Variants in HDAC8 observed in about 807,000 individuals in gnomAD.
HDAC8 encodes the protein histone deacetylase-like 1.
In HDAC8, 1 loss-of-function variant was observed where a neutral mutation model predicts 32.2. The ratio of observed to expected loss-of-function variants is 0.03; its 90% confidence interval spans 0.01 to 0.15. The LOEUF is 0.15. Among genes scored for constraint, HDAC8 ranks in the 10% least tolerant of loss-of-function variants. The pLI, the probability that HDAC8 is intolerant of heterozygous loss-of-function variation, is 1.00. For synonymous variants in HDAC8, 108 were observed against 113.9 expected (o/e 0.95, Z 0.33); for missense variants, 117 against 300.0 (o/e 0.39, Z 4.51).
chrX:72,537,281 A>G (rs782422848), intron 4 of HDAC8, among the ~76,000 whole-genome samples: 12 of 112,133 alleles, frequency 1.1e-4, no homozygotes, highest in African/African-American at 2.9e-4. Context: ...CCTGTATCCA[A>G]TGTTGAGCCT....
At chrX:72,451,202 T>C (rs1195058908) in intron 9 of HDAC8, among the ~76,000 whole-genome samples, 1 of 110,751 alleles carries the variant, frequency 9.0e-6, no homozygotes, top group Non-Finnish European at 1.9e-5. Flanking sequence ...TCTGTTTTTT[T>C]TTTTTTCCTT....
At chrX:72,472,288 C>T (rs565477967) in intron 7 of HDAC8, among the ~76,000 whole-genome samples, 3 of 109,908 alleles carry the variant, frequency 2.7e-5, no homozygotes, top group Middle Eastern at 4.7e-3. Flanking sequence ...GGGATGGTCT[C>T]GATCTCCTGA....
intron 4 of HDAC8, among the ~76,000 whole-genome samples, chrX:72,504,665 A>G (rs1194960219): frequency 8.9e-6 from 1 of 112,145 alleles, no homozygotes; most frequent in Non-Finnish European, 1.9e-5. Context: ...ACATTTGTGC[A>G]TAAGTATTCG....
rs781857536 is a variant in HDAC8, at chrX:72,441,912, A to G, written c.1005+20092T>C. Among the ~76,000 whole-genome samples, 154 of 112,126 alleles carry G rather than the reference A, an allele frequency of 1.4e-3. No homozygotes were observed. The East Asian group carries it at 0.024, about 18-fold the overall frequency. On this transcript the variant is annotated intron_variant, in intron 9 of 10. Transcript: ENST00000373573. ...TGCAGAAGCCTCAGGAGCCGATGCGATCAACTGGAAGAAAGGGTATCAGTG... is the reference window on the plus strand; with the variant it reads ...TGCAGAAGCCTCAGGAGCCGATGCGGTCAACTGGAAGAAAGGGTATCAGTG...
chrX:72,520,700 T>C (rs1270017645), intron 4 of HDAC8, among the ~76,000 whole-genome samples: 1 of 112,546 alleles, frequency 8.9e-6, no homozygotes, highest in Non-Finnish European at 1.9e-5. Flanking sequence ...ATTCCAAAAA[T>C]GTCTTTAATA....
At chrX:72,522,568 CAG>C (rs1189558063) in intron 4 of HDAC8, among the ~76,000 whole-genome samples, 1 of 112,238 alleles carries the variant, frequency 8.9e-6, no homozygotes, top group Non-Finnish European at 1.9e-5. Context: ...GAGTTTTAAA[CAG>C]AGTCATTGCC....
chrX:72,530,265 A>G (rs1397640685), intron 4 of HDAC8, among the ~76,000 whole-genome samples: 2 of 111,552 alleles, frequency 1.8e-5, no homozygotes, highest in African/African-American at 6.5e-5. Flanking sequence ...TCAGCCTTCT[A>G]TTACCACTTT....
At chrX:72,381,647 G>A (rs1423454431) in intron 9 of HDAC8, among the ~76,000 whole-genome samples, 1 of 111,829 alleles carries the variant, frequency 8.9e-6, no homozygotes, top group Non-Finnish European at 1.9e-5. Flanking sequence ...CAAGCTTTAG[G>A]ATATGAACTC....
chrX:72,529,020 C>T (rs1357454690), intron 4 of HDAC8, among the ~76,000 whole-genome samples: 2 of 112,185 alleles, frequency 1.8e-5, no homozygotes, highest in African/African-American at 6.5e-5. Flanking sequence ...AGCAAGGCCA[C>T]ATACTAGGCA....
At chrX:72,387,545 C>G (rs1252491027) in intron 9 of HDAC8, among the ~76,000 whole-genome samples, 2 of 111,696 alleles carry the variant, frequency 1.8e-5, no homozygotes, top group Non-Finnish European at 3.8e-5. Context: ...TGGTGAAGAG[C>G]TCAGACTCCA....
At chrX:72,402,485 G>A (rs1486361711) in intron 9 of HDAC8, among the ~76,000 whole-genome samples, 1 of 105,948 alleles carries the variant, frequency 9.4e-6, no homozygotes, top group African/African-American at 3.5e-5. Context: ...TTTAACATAG[G>A]CATTTATAGC....
intron 7 of HDAC8, chrX:72,467,924 A>G (rs181664795): frequency 2.6e-4 from 300 of 1,157,983 alleles, no homozygotes; most frequent in Admixed American, 9.0e-4. Context: ...AGGAAAGGAT[A>G]AAGGCAGGCA....
At chrX:72,358,819 A>T (rs782464900) in intron 9 of HDAC8, among the ~76,000 whole-genome samples, 40 of 111,802 alleles carry the variant, frequency 3.6e-4, no homozygotes, top group Non-Finnish European at 7.2e-4. Context: ...CCCACCTCAG[A>T]TCATTAGGCA....
intron 4 of HDAC8, among the ~76,000 whole-genome samples, chrX:72,511,146 T>C (rs1456384643): frequency 9.0e-6 from 1 of 111,695 alleles, no homozygotes; most frequent in African/African-American, 3.3e-5. Flanking sequence ...ATACGTACAT[T>C]TTAAAAAGAG....
At chrX:72,355,719 A>T (rs2044325913) in intron 9 of HDAC8, among the ~76,000 whole-genome samples, 1 of 111,994 alleles carries the variant, frequency 8.9e-6, no homozygotes, top group Non-Finnish European at 1.9e-5. Context: ...ACACAGTGAA[A>T]GCGGCATACA....
intron 4 of HDAC8, among the ~76,000 whole-genome samples, chrX:72,537,562 G>T (rs1556040208): frequency 8.9e-6 from 1 of 111,803 alleles, no homozygotes; most frequent in Non-Finnish European, 1.9e-5. Flanking sequence ...CCCTCTTATA[G>T]TAAATCCACA....
intron 7 of HDAC8, among the ~76,000 whole-genome samples, chrX:72,475,532 A>T (rs1556000092): frequency 9.0e-6 from 1 of 111,495 alleles, no homozygotes; most frequent in Non-Finnish European, 1.9e-5. Flanking sequence ...CTGCCAGGGG[A>T]TGCAGCATAT....
intron 4 of HDAC8, among the ~76,000 whole-genome samples, chrX:72,539,857 T>C (rs1311464387): frequency 7.1e-5 from 8 of 111,993 alleles, no homozygotes; most frequent in Non-Finnish European, 1.1e-4. Context: ...TAACTTTCTT[T>C]CTCCTGAACA....
Position 72,525,745 on chromosome X carries a change from C to T in HDAC8, c.438-30477G>A, listed in dbSNP as rs12857272. 7.0e-3 allele frequency among the ~76,000 whole-genome samples: 610 copies of T among 87,012 alleles called. 5 individuals carry two copies. Among genetic ancestry groups the T allele is most frequent in the Admixed American group, 0.012 (73 of 6,261 alleles). The allele number at this position is 87,012 out of a possible 115,157, so 75.6% of individuals were successfully genotyped here. A position where few individuals can be genotyped will look rare whatever the true frequency, so the allele number is the denominator to read the frequency against. On this transcript the variant is annotated intron_variant, in intron 4 of 10. Coordinates refer to ENST00000373573, the MANE Select transcript of HDAC8 (RefSeq NM_018486.3). ...AGGAGAATGGCGTGAACCCGGGAGGCGGAGCTTGCAGTGAGCCGAGATCGC... is the reference window on the plus strand; with the variant it reads ...AGGAGAATGGCGTGAACCCGGGAGGTGGAGCTTGCAGTGAGCCGAGATCGC...
Sources: gnomAD v4.1 joint callset for allele counts (sites outside exome capture counted in the v4.1 genomes callset) on GRCh38, gnomAD v4.1.1 for gene constraint, MANE v1.5 for transcripts, NCBI Gene and HGNC (gene_info 2026-07-23, HGNC 2026-07-21) for gene names.